The following MED16 variants were observed in gnomAD, a reference collection of about 807,000 sequenced individuals.
MED16 encodes mediator of RNA polymerase II transcription subunit 16.
A neutral mutation model predicts 84.4 loss-of-function variants in MED16; 81 were observed. The observed-to-expected ratio is 0.96, with a 90% CI of 0.80 to 1.15. The LOEUF (loss-of-function observed/expected upper bound fraction) is 1.15, where lower values mean the gene tolerates loss of function less well. MED16 is among the 50% of genes most tolerant of loss of function. The pLI, the probability that MED16 is intolerant of heterozygous loss-of-function variation, is 0.00. For missense variants in MED16, 1,585 were observed against 1,245.9 expected (o/e 1.27, Z -4.10); for synonymous variants, 897 against 552.2 (o/e 1.62, Z -8.76).
chr19:869,667 G>T (rs2036000344), intron 13 of MED16, among the ~76,000 whole-genome samples: 1 of 152,106 alleles, frequency 6.6e-6, no homozygotes, highest in Admixed American at 6.6e-5. Flanking sequence ...CAAGCCGGGG[G>T]TGCCTTCCCT....
intron 4 of MED16, among the ~76,000 whole-genome samples, chr19:887,087 A>C (rs1259592097): frequency 2.0e-5 from 3 of 148,960 alleles, no homozygotes; most frequent in Non-Finnish European, 4.5e-5. Context: ...CTCAAAAACA[A>C]AAAAAAAAAG....
In MED16 at chr19:881,584, G is replaced by C; in HGVS notation, c.1116C>G (p.Ser372Arg). 3 of 1,612,392 alleles carry C rather than the reference G, an allele frequency of 1.9e-6. No homozygotes were observed. The highest frequency in any genetic ancestry group is 1.1e-5 in the South Asian group (1 of 91,074). ...CGAGGCCAGGGTAGAACTGTGTGTC[G>C]CTGGCCACCTTGAGGTCGGTGTTGG... ...SLTNTDLKVA[S>R]DTQFYPGLGL... Residue 372 changes from serine (S) to arginine (R), a missense_variant, in exon 7 of 16, where the codon AGC becomes AGG. Physicochemically the swap from Ser to Arg is moderately radical, Grantham distance 110. Coordinates refer to ENST00000325464, the MANE Select transcript of MED16 (RefSeq NM_005481.3).
intron 1 of MED16, chr19:892,331 G>A (rs2036653810): frequency 6.6e-6 from 1 of 152,254 alleles, no homozygotes; most frequent in Non-Finnish European, 1.4e-5. Context: ...TTCACCCCTT[G>A]AGCCCACGGC....
rs1054585973 is a variant in MED16 at position 891,000 on chromosome 19, G to A, written c.132C>T (p.Leu44=). Residue 44 remains leucine, a synonymous_variant, in exon 2 of 16, where the codon CTC becomes CTT. Coordinates refer to ENST00000325464, the MANE Select transcript of MED16 (RefSeq NM_005481.3). The part of the protein sequence containing the change: ...PLACAWSCRN[L]IAFTMDLRSD... Reference sequence around the variant, plus strand: ...TGCGCAGGTCCATGGTGAAGGCGATGAGATTTCGGCAGGACCAGGCGCAGG... The same window carrying A: ...TGCGCAGGTCCATGGTGAAGGCGATAAGATTTCGGCAGGACCAGGCGCAGG... 5 of 1,613,940 alleles carry A rather than the reference G, an allele frequency of 3.1e-6. No homozygotes were observed. Among genetic ancestry groups the A allele is most frequent in the East Asian group, 2.2e-5 (1 of 44,892 alleles).
At chr19:879,151 C>G (rs1175849124) in intron 8 of MED16, among the ~76,000 whole-genome samples, 1 of 146,336 alleles carries the variant, frequency 6.8e-6, no homozygotes, top group Non-Finnish European at 1.5e-5. Context: ...CCCAGCCCCA[C>G]GTGCCCCAGC....
chr19:871,447 A>G (rs1683570), intron 12 of MED16, among the ~76,000 whole-genome samples, 194 bp from the exon 13 acceptor site: 104,422 of 151,768 alleles, frequency 0.69, 36,328 homozygotes, highest in African/African-American at 0.77. Context: ...GTGACCCCAG[A>G]GTTCTCTCCC....
At chr19:871,803 G>C in intron 12 of MED16, 123 bp downstream of exon 12, 1 of 265,490 alleles carries the variant, frequency 3.8e-6, no homozygotes, top group Admixed American at 6.2e-5. Context: ...GGAGAAGGGA[G>C]AGCGGGGAGA....
rs34110403 is a variant in MED16, at chr19:871,146, C to G, written c.2206G>C (p.Asp736His). The change falls in exon 13 of 16, where the codon GAC becomes CAC. Residue 736 changes from aspartate to histidine, a missense_variant. Coordinates refer to ENST00000325464, the MANE Select transcript of MED16 (RefSeq NM_005481.3). Reference sequence around the variant, plus strand: ...GGCTGCAGGCGGCTAACCAGGCCGTCGCTGGCTGGCAGCCAGTCCAGGCTG... The same window carrying G: ...GGCTGCAGGCGGCTAACCAGGCCGTGGCTGGCTGGCAGCCAGTCCAGGCTG... Reference protein sequence around the residue: ...IPSLDWLPASDGLVSRLQPKQ... With the variant: ...IPSLDWLPASHGLVSRLQPKQ... 3 of 1,548,232 alleles carry G rather than the reference C, an allele frequency of 1.9e-6. No homozygotes were observed. The highest frequency in any genetic ancestry group is 1.4e-5 in the African/African-American group (1 of 73,130).
chr19:889,057 C>A (rs939697677), intron 4 of MED16, among the ~76,000 whole-genome samples: 1 of 146,080 alleles, frequency 6.8e-6, no homozygotes, highest in Non-Finnish European at 1.5e-5. Flanking sequence ...ACTGTCCCCC[C>A]CAACCCTGGC....
At position 873,729 on chromosome 19, in the gene MED16, T is replaced by A. The variant is rs1002998605; in HGVS notation, c.1772-147A>T. 2.8e-5 allele frequency: 27 copies of A among 973,472 alleles called. No individual in the cohort carries two copies. The African/African-American group carries it at 3.9e-4, about 14-fold the overall frequency. The allele number at this position is 973,472 out of a possible 1,614,324, so 60.3% of individuals were successfully genotyped here. On this transcript the variant is annotated intron_variant, in intron 10 of 15. Transcript: ENST00000325464. ...CACACCGGGAACGAGAAGGGGGCGA[T>A]GGCGTTGCCGGACGGAGAGGAACTG...
rs777300157 is a variant in MED16 at position 881,724 on chromosome 19, CAG to C, written c.986-12_986-11del. 7.5e-6 allele frequency: 12 copies of C among 1,607,574 alleles called. No individual in the cohort carries two copies. The highest frequency in any genetic ancestry group is 3.3e-5 in the Admixed American group (2 of 59,828). ...GGCTGTTTGTCGCCAACTGAAAAAT[CAG>C]GGGCAGGAAAACAGGAAGGCAATGG... On this transcript the variant is annotated splice_polypyrimidine_tract_variant and intron_variant, in intron 6 of 15. Coordinates refer to ENST00000325464, the MANE Select transcript of MED16 (RefSeq NM_005481.3).
At chr19:874,973 G>A (rs1454885063) in intron 10 of MED16, among the ~76,000 whole-genome samples, 1 of 150,858 alleles carries the variant, frequency 6.6e-6, no homozygotes, top group Non-Finnish European at 1.5e-5. Flanking sequence ...GACCAGCCTG[G>A]CCAACATGGT....
At chr19:890,489 G>C (rs1006335515) in intron 2 of MED16, 2 of 440,856 alleles carry the variant, frequency 4.5e-6, no homozygotes, top group African/African-American at 4.0e-5. Context: ...AATGTGAACA[G>C]TGGGAGCCTC....
rs778530858 is a variant in MED16, at chr19:868,931, G to C, written c.2331C>G (p.Pro777=). The change falls in exon 14 of 16, where the codon CCC becomes CCG. Residue 777 remains proline (P), a synonymous_variant. Coordinates refer to ENST00000325464, the MANE Select transcript of MED16 (RefSeq NM_005481.3). The part of the protein sequence containing the change: ...LDGLARAPGQ[P]KIDHLRRLHL... Reference sequence around the variant, plus strand: ...GCAGCCTCCGCAGGTGGTCGATCTTGGGCTGGCCTGGGGCCCTGGCGGGAG... The same window carrying C: ...GCAGCCTCCGCAGGTGGTCGATCTTCGGCTGGCCTGGGGCCCTGGCGGGAG... The C allele has an allele frequency of 1.3e-6, 2 of 1,544,224 alleles. No individual in the cohort carries two copies. Among genetic ancestry groups the C allele is most frequent in the South Asian group, 1.2e-5 (1 of 84,082 alleles).
chr19:872,418 GC>G (rs909604502), intron 11 of MED16, among the ~76,000 whole-genome samples: 23 of 152,016 alleles, frequency 1.5e-4, no homozygotes, highest in East Asian at 1.9e-4. Context: ...AGGAGCAGCC[GC>G]CCCCTCCTAC....
chr19:885,662 C>T (rs1164800391), intron 5 of MED16, 108 bp downstream of exon 5: 4 of 1,338,302 alleles, frequency 3.0e-6, no homozygotes, highest in South Asian at 2.7e-5. Context: ...CCTGCCCACA[C>T]CACGGTTTAG....
intron 8 of MED16, among the ~76,000 whole-genome samples, chr19:878,834 T>G: frequency 8.1e-6 from 1 of 123,462 alleles, no homozygotes; most frequent in Non-Finnish European, 1.6e-5. Context: ...TTCCCCTGGT[T>G]GTCAATGCCC....
chr19:871,354 A>AG (rs1276875643), intron 12 of MED16, 101 bp from the exon 13 acceptor site: 4 of 1,373,222 alleles, frequency 2.9e-6, no homozygotes, highest in Non-Finnish European at 3.9e-6. Flanking sequence ...GCACCAGGTC[A>AG]GGGCCCCAGC....
chr19:887,880 TG>T (rs757462927), intron 4 of MED16, among the ~76,000 whole-genome samples: 2 of 151,338 alleles, frequency 1.3e-5, no homozygotes, highest in Admixed American at 6.6e-5. Context: ...TGATGCAGGA[TG>T]GGGACTGGGT....
Sources: gnomAD v4.1 joint callset for allele counts (sites outside exome capture counted in the v4.1 genomes callset) on GRCh38, gnomAD v4.1.1 for gene constraint, MANE v1.5 for transcripts, NCBI Gene and HGNC (gene_info 2026-07-23, HGNC 2026-07-21) for gene names.